EVI5: variants seen among roughly 807,000 people sequenced by gnomAD.
EVI5 encodes the protein ecotropic viral integration site 5 protein homolog.
EVI5 carries 73 observed loss-of-function variants against 112.0 expected under a neutral mutation model. That is an observed-to-expected ratio of 0.65 (90% confidence interval 0.54 to 0.79). The LOEUF (loss-of-function observed/expected upper bound fraction) is 0.79. Among genes scored for constraint, EVI5 ranks in the 30% least tolerant of loss-of-function variants. The pLI, the probability that EVI5 is intolerant of heterozygous loss-of-function variation, is 0.00. For missense variants in EVI5, 900 were observed against 968.8 expected, an observed-to-expected ratio of 0.93 and a Z score of 0.94; for synonymous variants, 305 against 319.9, an observed-to-expected ratio of 0.95 and a Z score of 0.50.
chr1:92,678,324 G>T (rs1667066092), intron 9 of EVI5, among the ~76,000 whole-genome samples: 1 of 152,098 alleles, frequency 6.6e-6, no homozygotes, highest in Admixed American at 6.6e-5. Context: ...TGAGGCCAGG[G>T]GTTCAAGACC....
At chr1:92,578,092 T>C (rs1343730191) in intron 18 of EVI5, among the ~76,000 whole-genome samples, 1 of 152,232 alleles carries the variant, frequency 6.6e-6, no homozygotes. Flanking sequence ...TGGGTGGTGG[T>C]GCACTGCATA....
chr1:92,740,887 AAC>A (rs1678270263), intron 1 of EVI5, among the ~76,000 whole-genome samples: 1 of 152,156 alleles, frequency 6.6e-6, no homozygotes, highest in African/African-American at 2.4e-5. Flanking sequence ...AAGCCAGTAT[AAC>A]AGTTTCCACA....
chr1:92,759,637 G>C (rs1258104009), intron 1 of EVI5, among the ~76,000 whole-genome samples: 1 of 151,958 alleles, frequency 6.6e-6, no homozygotes, highest in African/African-American at 2.4e-5. Context: ...GCATCCCTGG[G>C]TAAACTCTAA....
intron 1 of EVI5, among the ~76,000 whole-genome samples, chr1:92,757,709 C>T (rs1466817521): frequency 6.6e-6 from 1 of 151,572 alleles, no homozygotes; most frequent in Non-Finnish European, 1.5e-5. Context: ...TGAGACCAGC[C>T]TGGCCAACAT....
chr1:92,626,356 G>A (rs1384675337), intron 14 of EVI5, among the ~76,000 whole-genome samples: 1 of 152,032 alleles, frequency 6.6e-6, no homozygotes, highest in Non-Finnish European at 1.5e-5. Context: ...TGTTTTCAAG[G>A]TTCAATCTTT....
intron 1 of EVI5, 76 bp from the exon 2 acceptor site, chr1:92,736,703 G>A (rs1360959256): frequency 1.0e-6 from 1 of 971,184 alleles, no homozygotes; most frequent in African/African-American, 1.6e-5. Context: ...ATTCTGTTAG[G>A]ATTTACTTAA....
At chr1:92,617,503 C>G (rs1450528504) in intron 16 of EVI5, among the ~76,000 whole-genome samples, 1 of 152,184 alleles carries the variant, frequency 6.6e-6, no homozygotes, top group Non-Finnish European at 1.5e-5. Flanking sequence ...ATGACCTGTT[C>G]TGAGGACACC....
intron 3 of EVI5, 29 bp downstream of exon 3, chr1:92,704,526 A>G (rs767790165): frequency 2.8e-6 from 4 of 1,430,928 alleles, no homozygotes; most frequent in Non-Finnish European, 3.8e-6. Flanking sequence ...TGGAATAAGA[A>G]TAAGAACTTC....
intron 2 of EVI5, among the ~76,000 whole-genome samples, chr1:92,724,967 G>A (rs1018228370): frequency 2.6e-5 from 4 of 152,122 alleles, no homozygotes; most frequent in African/African-American, 4.8e-5. Flanking sequence ...GGGGAAAATT[G>A]AGATACAGTC....
intron 16 of EVI5, among the ~76,000 whole-genome samples, chr1:92,617,697 T>C (rs1053770979): frequency 6.6e-6 from 1 of 152,330 alleles, no homozygotes; most frequent in African/African-American, 2.4e-5. Context: ...CACTGAGCCC[T>C]TGATATGGCA....
intron 19 of EVI5, among the ~76,000 whole-genome samples, chr1:92,526,934 G>A (rs764485387): frequency 7.2e-5 from 11 of 152,156 alleles, no homozygotes; most frequent in Non-Finnish European, 1.6e-4. Flanking sequence ...CAGGAGAAAG[G>A]CAGAAGGTGT....
chr1:92,742,498 C>A (rs1379812484), intron 1 of EVI5, among the ~76,000 whole-genome samples: 1 of 151,748 alleles, frequency 6.6e-6, no homozygotes. Context: ...CATGGAGAAA[C>A]CCCATCTCTA....
intron 1 of EVI5, among the ~76,000 whole-genome samples, chr1:92,761,422 T>C (rs75243375): frequency 0.024 from 3,616 of 152,236 alleles, 165 homozygotes; most frequent in African/African-American, 0.082. Context: ...TAAATAGCAA[T>C]ATATCAAACT....
intron 5 of EVI5, 29 bp from the exon 6 acceptor site, chr1:92,698,014 G>A: frequency 6.3e-7 from 1 of 1,592,758 alleles, no homozygotes; most frequent in South Asian, 1.1e-5. Flanking sequence ...AAACAACATA[G>A]GTTAATGTTC....
At chr1:92,614,089 G>C (rs1449254131) in intron 16 of EVI5, among the ~76,000 whole-genome samples, 2 of 152,186 alleles carry the variant, frequency 1.3e-5, no homozygotes, top group Non-Finnish European at 2.9e-5. Flanking sequence ...ATAAAGTATT[G>C]CTAAGGGAAT....
At chr1:92,626,010 T>TG in intron 14 of EVI5, 76 bp from the exon 15 acceptor site, 9 of 845,576 alleles carry the variant, frequency 1.1e-5, no homozygotes, top group Non-Finnish European at 1.5e-5. Flanking sequence ...AGCTATTGTG[T>TG]TCCACACTTA....
chr1:92,680,765 T>C (rs921765133), intron 9 of EVI5, among the ~76,000 whole-genome samples: 3 of 152,146 alleles, frequency 2.0e-5, no homozygotes, highest in African/African-American at 7.2e-5. Flanking sequence ...AATGAGAAGA[T>C]ATAATATCAG....
intron 1 of EVI5, among the ~76,000 whole-genome samples, chr1:92,767,082 C>A (rs1191974808): frequency 1.0e-3 from 116 of 113,132 alleles, no homozygotes; most frequent in Non-Finnish European, 9.8e-4. Context: ...GACTCCCTCT[C>A]AAAAAAAAAA....
chr1:92,561,595 CTAT>C (rs1557789717), intron 19 of EVI5, among the ~76,000 whole-genome samples: 30 of 148,962 alleles, frequency 2.0e-4, no homozygotes, highest in Non-Finnish European at 3.9e-4. Flanking sequence ...ATCTATCTAT[CTAT>C]CTAATCTATC....
Sources: gnomAD v4.1 joint callset for allele counts (sites outside exome capture counted in the v4.1 genomes callset) on GRCh38, gnomAD v4.1.1 for gene constraint, MANE v1.5 for transcripts, NCBI Gene and HGNC (gene_info 2026-07-23, HGNC 2026-07-21) for gene names.